TRIM39: variants seen among roughly 807,000 people sequenced by gnomAD.
TRIM39 encodes tripartite motif containing 39.
In TRIM39, 5 loss-of-function variants were observed where a neutral mutation model predicts 53.6. The observed-to-expected ratio is 0.09, with a 90% confidence interval of 0.05 to 0.20. The LOEUF is 0.20. Among genes scored for constraint, TRIM39 ranks in the 10% least tolerant of loss-of-function variants. The probability of loss-of-function intolerance (pLI) is 1.00; values close to 1 mark genes in which losing one functional copy is unlikely to be tolerated. For synonymous variants in TRIM39, 196 were observed against 237.6 expected (o/e 0.82, Z 1.61); for missense variants, 310 against 621.0 (o/e 0.50, Z 5.32).
At chr6:30,326,814 C>T (rs976006363) in exon 1 of TRIM39, 3 of 153,174 alleles carry the variant, frequency 2.0e-5, no homozygotes, top group African/African-American at 7.2e-5. Context: ...GCAGGCACCG[C>T]TAGACCCGGC....
chr6:30,340,137 C>A, intron 6 of TRIM39: 1 of 1,077,000 alleles, frequency 9.3e-7, no homozygotes, highest in Non-Finnish European at 1.4e-6. Flanking sequence ...AACATCAGGA[C>A]TTCTTGAGAA....
In TRIM39 at chr6:30,338,441, G is replaced by C. The variant is rs1021786259; in HGVS notation, c.781-1467G>C. On this transcript the variant is annotated intron_variant, in intron 5 of 7. Transcript: ENST00000396551. This position sits in a 1 kb window ranked among gnomAD's most constrained non-coding sequence, Gnocchi z 4.0. ...GTTGTGTCTCGGAATAGGGAGGCCA[G>C]AGGAGATGGAGAAAGATGAGGGAAT... 6.6e-6 allele frequency among the ~76,000 whole-genome samples: 1 copy of C among 151,894 alleles called. No individual in the cohort carries two copies. The highest frequency in any genetic ancestry group is 6.6e-5 in the Admixed American group (1 of 15,238).
intron 6 of TRIM39, chr6:30,340,280 C>T (rs1787346820): frequency 6.2e-7 from 1 of 1,612,716 alleles, no homozygotes. Context: ...AGGAATATTC[C>T]TAGAAAGTTC....
chr6:30,340,213 G>A, intron 6 of TRIM39: 1 of 1,443,676 alleles, frequency 6.9e-7, no homozygotes, highest in Non-Finnish European at 9.7e-7. Context: ...CAAACAAGAT[G>A]GCAGGAGGAA....
At position 30,342,055 on chromosome 6, in the gene TRIM39, C is replaced by A; in HGVS notation, c.1263C>A (p.Ile421=). Reference sequence around the variant, plus strand: ...CCACACCTTTTACCCCTTTGCACATCAAGGTGAAACCCAAGCGGGTAGGCA... The same window carrying A: ...CCACACCTTTTACCCCTTTGCACATAAAGGTGAAACCCAAGCGGGTAGGCA... Residue 421 remains isoleucine (I), a synonymous_variant, in exon 8 of 8, where the codon ATC becomes ATA. Transcript: ENST00000396551. This position sits in a 1 kb window ranked among gnomAD's most constrained non-coding sequence, Gnocchi z 4.7. The A allele has an allele frequency of 6.2e-7, 1 of 1,613,060 alleles. No individual in the cohort carries two copies. Among genetic ancestry groups the A allele is most frequent in the Non-Finnish European group, 8.5e-7 (1 of 1,180,032 alleles).
Position 30,335,237 on chromosome 6 carries a change from A to G in TRIM39, c.550-508A>G, listed in dbSNP as rs1018198268. ...GCCATTCTTTACAGAAGGAAATTCCAATGGAATAAAAAATGAGTGTTCTGT... is the reference window on the plus strand; with the variant it reads ...GCCATTCTTTACAGAAGGAAATTCCGATGGAATAAAAAATGAGTGTTCTGT... On this transcript the variant is annotated intron_variant, in intron 4 of 7. Coordinates refer to ENST00000396551, the Ensembl canonical transcript of TRIM39. This position sits in a 1 kb window ranked among gnomAD's most constrained non-coding sequence, Gnocchi z 4.7. Among the ~76,000 whole-genome samples, 34 of 152,172 alleles carry G rather than the reference A, an allele frequency of 2.2e-4. No individual in the cohort carries two copies. Among genetic ancestry groups the G allele is most frequent in the African/African-American group, 7.0e-4 (29 of 41,434 alleles).
intron 5 of TRIM39, among the ~76,000 whole-genome samples, chr6:30,336,496 G>C (rs1438652544): frequency 3.3e-5 from 5 of 152,356 alleles, no homozygotes; most frequent in African/African-American, 9.6e-5. Context: ...AGGGTCTTGT[G>C]TTAGTATTGA....
rs1785781728 is a variant in TRIM39, at chr6:30,329,046, G to A, written c.-8+5G>A. On this transcript the variant is annotated splice_donor_5th_base_variant and intron_variant, in intron 2 of 7. Transcript: ENST00000396551. ...TTCTAACAAGAGAAAGCAGAGGTAA[G>A]AGACAAGATAGATCAATTGGGGGTT... is the stretch of plus-strand genomic sequence containing the variant. The A allele has an allele frequency of 2.2e-6, 1 of 452,256 alleles. No homozygotes were observed. The highest frequency in any genetic ancestry group is 4.0e-5 in the Admixed American group (1 of 24,990). 28.0% of individuals were successfully genotyped at this position (452,256 alleles called of 1,614,324 possible).
In TRIM39 at chr6:30,329,241, C is replaced by CAA. The variant is rs200072323; in HGVS notation, c.-7-57_-7-56dup. 3.7e-3 allele frequency: 4,995 copies of CAA among 1,339,538 alleles called. 1 individual carries two copies. Among genetic ancestry groups the CAA allele is most frequent in the Middle Eastern group, 6.7e-3 (26 of 3,902 alleles). The allele number at this position is 1,339,538 out of a possible 1,614,324, so 83.0% of individuals were successfully genotyped here. On this transcript the variant is annotated intron_variant, in intron 2 of 7. Transcript: ENST00000396551. ...AGGGATAAATGTCGGGTCAGGGATGCAAAAAAAAAAAAAAGAAAAAACCTC... is the reference window on the plus strand; with the variant it reads ...AGGGATAAATGTCGGGTCAGGGATGCAAAAAAAAAAAAAAAAGAAAAAACCTC...
intron 7 of TRIM39, chr6:30,341,367 T>G: frequency 1.7e-6 from 1 of 595,756 alleles, no homozygotes; most frequent in Non-Finnish European, 3.2e-6. Context: ...CTTAACACTT[T>G]CCGTTTTTTT....
At chr6:30,341,523 G>A in intron 7 of TRIM39, 189 bp from the exon 8 acceptor site, 1 of 869,184 alleles carries the variant, frequency 1.2e-6, no homozygotes, top group Non-Finnish European at 1.9e-6. Flanking sequence ...TTAGGGTCAG[G>A]GTGAGAAGTG....
intron 4 of TRIM39, among the ~76,000 whole-genome samples, chr6:30,333,220 A>G (rs1384469433): frequency 6.6e-6 from 1 of 152,216 alleles, no homozygotes; most frequent in Non-Finnish European, 1.5e-5. Context: ...AGTTCTAAGT[A>G]TAACAATATA....
At chr6:30,341,105 G>A (rs1787474472) in intron 7 of TRIM39, among the ~76,000 whole-genome samples, 1 of 152,014 alleles carries the variant, frequency 6.6e-6, no homozygotes, top group African/African-American at 2.4e-5. Flanking sequence ...CTCCTCTGGA[G>A]GCTGAGGCAG....
At chr6:30,330,124 GCTC>G (rs1028630079) in intron 3 of TRIM39, among the ~76,000 whole-genome samples, 13 of 152,198 alleles carry the variant, frequency 8.5e-5, no homozygotes, top group Non-Finnish European at 1.9e-4. Context: ...TGCTCAGAAT[GCTC>G]CTTGTTTTCA....
intron 4 of TRIM39, among the ~76,000 whole-genome samples, chr6:30,333,936 A>G (rs1786537905): frequency 1.3e-5 from 2 of 152,248 alleles, no homozygotes; most frequent in Non-Finnish European, 2.9e-5. Context: ...TATTTATCAC[A>G]GTCATGAATG....
rs1787204269 is a variant in TRIM39, at chr6:30,339,180, T to C, written c.781-728T>C. 6.6e-6 allele frequency among the ~76,000 whole-genome samples: 1 copy of C among 151,978 alleles called. No individual in the cohort carries two copies. Among genetic ancestry groups the C allele is most frequent in the African/African-American group, 2.4e-5 (1 of 41,356 alleles). On this transcript the variant is annotated intron_variant, in intron 5 of 7. Transcript: ENST00000396551. This position sits in a 1 kb window ranked among gnomAD's most constrained non-coding sequence, Gnocchi z 4.2. ...CTTTTTTTTTTTTCTGAGAGAGTCT[T>C]GCTCTGTCGCCCAGGCTGGAGTGCA... is the stretch of plus-strand genomic sequence containing the variant.
rs567381405 is a variant in TRIM39 at position 30,341,025 on chromosome 6, C to T, written c.919+405C>T. Among the ~76,000 whole-genome samples the T allele has an allele frequency of 1.2e-3, 182 of 152,014 alleles. 3 individuals carry two copies. In the South Asian group the frequency reaches 0.013, roughly 11 times the overall value. On this transcript the variant is annotated intron_variant, in intron 7 of 7. Transcript: ENST00000396551. ...GAGTTCGACATCAGCCTGGCCAACA[C>T]GGTGAAACCCCATCTCTACTAAAAA...
intron 7 of TRIM39, chr6:30,341,448 AG>A: frequency 1.4e-6 from 1 of 707,548 alleles, no homozygotes; most frequent in South Asian, 1.5e-5. Flanking sequence ...GGAGATGAAG[AG>A]AGGACCAGGC....
exon 3 of TRIM39, chr6:30,329,698 G>A (rs1414216377): frequency 2.5e-6 from 4 of 1,613,108 alleles, no homozygotes; most frequent in Non-Finnish European, 3.4e-6. Context: ...CTGTATGCTT[G>A]ATATGTGCAA....
Sources: allele counts gnomAD v4.1 joint callset (sites outside exome capture counted in the v4.1 genomes callset), GRCh38; gene constraint gnomAD v4.1.1; non-coding constraint Gnocchi (gnomAD v3.1); transcripts MANE v1.5; gene names NCBI Gene and HGNC (gene_info 2026-07-23, HGNC 2026-07-21).